MCOLN2: variants seen among roughly 807,000 people sequenced by gnomAD.
MCOLN2 encodes mucolipin TRP cation channel 2.
MCOLN2 carries 57 observed loss-of-function variants against 67.5 expected under a neutral mutation model. The ratio of observed to expected loss-of-function variants is 0.84; its 90% CI spans 0.68 to 1.05. The LOEUF is 1.05. Among genes scored for constraint, MCOLN2 ranks in the 50% least tolerant of loss-of-function variants. The probability of loss-of-function intolerance (pLI) is 0.00; values close to 1 mark genes in which losing one functional copy is unlikely to be tolerated. For missense variants in MCOLN2, 620 were observed against 678.8 expected (o/e 0.91, Z 0.96); for synonymous variants, 246 against 233.3 (o/e 1.05, Z -0.50).
intron 1 of MCOLN2, among the ~76,000 whole-genome samples, chr1:84,987,994 A>G (rs1650704755): frequency 6.6e-6 from 1 of 152,116 alleles, no homozygotes. Flanking sequence ...GTGCACAAAA[A>G]TTTCAGAAAT....
chr1:84,943,896 G>C (rs917879795), intron 7 of MCOLN2, among the ~76,000 whole-genome samples: 3 of 152,158 alleles, frequency 2.0e-5, no homozygotes, highest in African/African-American at 7.2e-5. Context: ...TTATCTTGAG[G>C]TATCATCTAA....
intron 7 of MCOLN2, among the ~76,000 whole-genome samples, chr1:84,943,362 T>C (rs1647901049): frequency 6.6e-6 from 1 of 151,994 alleles, no homozygotes; most frequent in African/African-American, 2.4e-5. Context: ...GTTAAAGCCA[T>C]GGGAGTGACG....
chr1:84,931,144 A>G (rs1345665800), intron 12 of MCOLN2, among the ~76,000 whole-genome samples: 1 of 151,728 alleles, frequency 6.6e-6, no homozygotes, highest in East Asian at 1.9e-4. Flanking sequence ...TGCTTACCCC[A>G]TTTCCCTTTT....
rs77452813 is a variant in MCOLN2, at chr1:84,996,815, C to T, written c.58G>A (p.Val20Ile). 4,200 of 1,614,068 alleles carry T rather than the reference C, an allele frequency of 2.6e-3. 97 individuals are homozygous for T. In the African/African-American group the frequency reaches 0.05, roughly 19 times the overall value. The change falls in exon 1 of 14, where the codon GTT (valine) becomes ATT (isoleucine). Residue 20 changes from valine (V) to isoleucine (I), a missense_variant. Val to Ile is a conservative substitution (Grantham distance 29). Transcript: ENST00000370608. Reference sequence around the variant, plus strand: ...CCTCACCTGACGGTTAACCTGAAAACACCTGATCCTCTCTCCGGAATCCTT... The same window carrying T: ...CCTCACCTGACGGTTAACCTGAAAATACCTGATCCTCTCTCCGGAATCCTT... ...QARIPERGSG[V>I]FRLTVRNAMA...
intron 11 of MCOLN2, 28 bp downstream of exon 11, chr1:84,937,727 T>C (rs779298319): frequency 6.2e-7 from 1 of 1,612,654 alleles, no homozygotes; most frequent in Admixed American, 1.7e-5. Context: ...GTGCCCCATC[T>C]GCAGAAGGAA....
In MCOLN2 at chr1:84,939,701, C is replaced by A; in HGVS notation, c.962G>T (p.Arg321Ile). 1 of 1,613,912 alleles carries A rather than the reference C, an allele frequency of 6.2e-7. No homozygotes were observed. Among genetic ancestry groups the A allele is most frequent in the Middle Eastern group, 1.7e-4 (1 of 6,060 alleles). Residue 321 changes from arginine (R) to isoleucine (I), a missense_variant and splice_region_variant, in exon 9 of 14, where the codon AGA (arginine) becomes ATA (isoleucine). Coordinates refer to ENST00000370608, the MANE Select transcript of MCOLN2 (RefSeq NM_153259.4). ...CTTCTCCAGGAAGAAATTTAGAAAT[C>A]TCTATGGCAAACATTTAAAGAAGCG... ...SIVLALRLRK[R>I]FLNFFLEKYK...
At chr1:84,978,205 A>G (rs915148710) in intron 1 of MCOLN2, among the ~76,000 whole-genome samples, 1 of 152,078 alleles carries the variant, frequency 6.6e-6, no homozygotes, top group African/African-American at 2.4e-5. Context: ...TGGAAACACA[A>G]CCTACCAAAA....
intron 13 of MCOLN2, among the ~76,000 whole-genome samples, chr1:84,929,154 T>C (rs1338365695): frequency 6.6e-6 from 1 of 152,236 alleles, no homozygotes; most frequent in Non-Finnish European, 1.5e-5. Flanking sequence ...CAAGGAAGTT[T>C]CCTGCTCTCA....
intron 2 of MCOLN2, among the ~76,000 whole-genome samples, chr1:84,962,973 T>C (rs1270605311): frequency 6.6e-6 from 1 of 152,186 alleles, no homozygotes; most frequent in Non-Finnish European, 1.5e-5. Context: ...AAGACAAAGC[T>C]AGAAGCTGCC....
At chr1:84,956,695 T>C (rs550766) in intron 3 of MCOLN2, 111 bp from the exon 4 acceptor site, 283,635 of 854,344 alleles carry the variant, frequency 0.33, 49,007 homozygotes, top group African/African-American at 0.43. Flanking sequence ...ACATCATGGC[T>C]CTCAATAGAA....
intron 6 of MCOLN2, 97 bp from the exon 7 acceptor site, chr1:84,947,229 G>A (rs2102826895): frequency 1.4e-6 from 1 of 706,494 alleles, no homozygotes; most frequent in South Asian, 1.6e-5. Flanking sequence ...CATCCAGTGT[G>A]CTGATCCAAA....
chr1:84,983,442 A>G (rs1406802963), intron 1 of MCOLN2, among the ~76,000 whole-genome samples: 1 of 150,890 alleles, frequency 6.6e-6, no homozygotes, highest in African/African-American at 2.4e-5. Flanking sequence ...CTTATTTTTT[A>G]TTTTTTTGTA....
At chr1:84,939,357 C>A (rs1336713781) in intron 9 of MCOLN2, among the ~76,000 whole-genome samples, 196 bp downstream of exon 9, 5 of 152,042 alleles carry the variant, frequency 3.3e-5, no homozygotes, top group Admixed American at 2.6e-4. Context: ...GGAGCTGTTG[C>A]CAAGTTTCGT....
intron 8 of MCOLN2, among the ~76,000 whole-genome samples, chr1:84,940,028 C>T (rs555931803): frequency 6.0e-4 from 92 of 152,128 alleles, no homozygotes; most frequent in Non-Finnish European, 1.1e-3. Context: ...GAAGCAGGTA[C>T]GAGCAGGTCT....
intron 11 of MCOLN2, among the ~76,000 whole-genome samples, chr1:84,932,722 A>G (rs1647242771): frequency 6.6e-6 from 1 of 152,168 alleles, no homozygotes; most frequent in South Asian, 2.1e-4. Context: ...TCAGTCTTCT[A>G]AGGCCTGTCT....
At chr1:84,950,389 A>C (rs77265302) in intron 6 of MCOLN2, among the ~76,000 whole-genome samples, 6,443 of 152,304 alleles carry the variant, frequency 0.042, 475 homozygotes, top group African/African-American at 0.15. Flanking sequence ...GATCTCATTT[A>C]TTATTCTGAA....
At chr1:84,971,473 G>A in intron 1 of MCOLN2, among the ~76,000 whole-genome samples, 1 of 147,036 alleles carries the variant, frequency 6.8e-6, no homozygotes, top group Non-Finnish European at 1.5e-5. Flanking sequence ...GGTTTGTCCT[G>A]GTAGATGAAG....
At chr1:84,969,803 C>A (rs1649574315) in intron 1 of MCOLN2, among the ~76,000 whole-genome samples, 1 of 152,072 alleles carries the variant, frequency 6.6e-6, no homozygotes, top group African/African-American at 2.4e-5. Context: ...AAAGACTTGT[C>A]AATGCATAAT....
intron 2 of MCOLN2, among the ~76,000 whole-genome samples, chr1:84,964,129 C>T (rs1487928048): frequency 2.0e-5 from 3 of 152,232 alleles, no homozygotes; most frequent in African/African-American, 7.2e-5. Context: ...TAAGCATACA[C>T]ATTTAACAAT....
Sources: allele counts gnomAD v4.1 joint callset (sites outside exome capture counted in the v4.1 genomes callset), GRCh38; gene constraint gnomAD v4.1.1; transcripts MANE v1.5; gene names NCBI Gene and HGNC (gene_info 2026-07-23, HGNC 2026-07-21).